Variants in ABI2 observed in about 807,000 individuals in gnomAD.
ABI2 encodes abelson interactor 2.
In ABI2, 25 loss-of-function variants were observed where a neutral mutation model predicts 59.2. The ratio of observed to expected loss-of-function variants is 0.42; its 90% CI spans 0.31 to 0.59. The LOEUF (loss-of-function observed/expected upper bound fraction) is 0.59. Among genes scored for constraint, ABI2 ranks in the 20% least tolerant of loss-of-function variants. The pLI, the probability that ABI2 is intolerant of heterozygous loss-of-function variation, is 0.14. For missense variants in ABI2, 545 were observed against 681.8 expected (o/e 0.80, Z 2.23); for synonymous variants, 213 against 235.5 (o/e 0.90, Z 0.87).
At chr2:203,408,278 T>C (rs2097518055) in intron 9 of ABI2, among the ~76,000 whole-genome samples, 1 of 151,926 alleles carries the variant, frequency 6.6e-6, no homozygotes, top group Non-Finnish European at 1.5e-5. Flanking sequence ...TTCTCCTGGT[T>C]CAGCCTCCCG....
chr2:203,371,152 C>A (rs1194505214), intron 2 of ABI2, among the ~76,000 whole-genome samples: 4 of 152,186 alleles, frequency 2.6e-5, no homozygotes, highest in African/African-American at 9.7e-5. Context: ...GCGATTCTCA[C>A]AAATGAGCTT....
chr2:203,343,972 A>T (rs974346456), intron 1 of ABI2, among the ~76,000 whole-genome samples: 5 of 152,082 alleles, frequency 3.3e-5, no homozygotes, highest in Non-Finnish European at 5.9e-5. Flanking sequence ...CGTCTCTACA[A>T]AAATTACAGA....
Position 203,428,549 on chromosome 2 carries a change from GATT to G in ABI2, c.*1199_*1201del, listed in dbSNP as rs781764603. On this transcript the variant is annotated 3_prime_UTR_variant, in exon 12 of 12. Transcript: ENST00000261018. ...CTCAGACTAAGAATATAATGAATAA[GATT>G]AATAGGCCAAAATATGTATCTAATC... is the stretch of plus-strand genomic sequence containing the variant. 6.6e-5 allele frequency: 10 copies of G among 152,668 alleles called. No individual in the cohort carries two copies. The highest frequency in any genetic ancestry group is 3.9e-4 in the East Asian group (2 of 5,182). 9.5% of individuals were successfully genotyped at this position (152,668 alleles called of 1,614,324 possible).
At chr2:203,372,154 C>A (rs1422237524) in intron 2 of ABI2, among the ~76,000 whole-genome samples, 16 of 151,824 alleles carry the variant, frequency 1.1e-4, no homozygotes, top group Non-Finnish European at 2.4e-4. Flanking sequence ...TGCCTTCAAG[C>A]ATCTGTTTAA....
At chr2:203,347,346 G>T (rs988429637) in intron 1 of ABI2, among the ~76,000 whole-genome samples, 2 of 152,182 alleles carry the variant, frequency 1.3e-5, no homozygotes, top group East Asian at 3.8e-4. Context: ...CTCATCTTTT[G>T]TGTGAAATTT....
chr2:203,417,206 T>C (rs1280858776), intron 11 of ABI2, 125 bp downstream of exon 11: 24 of 873,838 alleles, frequency 2.7e-5, no homozygotes, highest in Non-Finnish European at 4.9e-6. Context: ...TTGTGCATTT[T>C]TACTGAGTTT....
chr2:203,338,936 A>G (rs6750075), intron 1 of ABI2, among the ~76,000 whole-genome samples: 14,147 of 25,522 alleles, frequency 0.55, 2,062 homozygotes, highest in East Asian at 0.67. Context: ...GTGTATATGT[A>G]TATATATATA....
chr2:203,346,508 T>G (rs2083662968), intron 1 of ABI2, among the ~76,000 whole-genome samples: 1 of 152,250 alleles, frequency 6.6e-6, no homozygotes, highest in Admixed American at 6.5e-5. Flanking sequence ...GTCTGTGTTT[T>G]GGGTTTATCC....
At chr2:203,362,560 C>T (rs947323886) in intron 1 of ABI2, among the ~76,000 whole-genome samples, 2 of 152,026 alleles carry the variant, frequency 1.3e-5, no homozygotes, top group African/African-American at 4.8e-5. Context: ...GAGTCTCACT[C>T]TGTTGCCCAG....
At chr2:203,385,136 A>ATTTTTTTTTTTTTTTTTTTT (rs1231169110) in intron 4 of ABI2, among the ~76,000 whole-genome samples, 31 of 26,212 alleles carry the variant, frequency 1.2e-3, no homozygotes, top group Non-Finnish European at 2.8e-3. Flanking sequence ...CCCGGCTCAG[A>ATTTTTTTTTTTTTTTTTTTT]TTCTTTTTTT....
At chr2:203,358,928 C>CT (rs1248877534) in intron 1 of ABI2, among the ~76,000 whole-genome samples, 3 of 152,196 alleles carry the variant, frequency 2.0e-5, no homozygotes, top group African/African-American at 7.2e-5. Context: ...ACAAGAACTG[C>CT]TTGAGCCTGG....
At chr2:203,344,480 C>G (rs545344015) in intron 1 of ABI2, among the ~76,000 whole-genome samples, 2 of 152,092 alleles carry the variant, frequency 1.3e-5, no homozygotes, top group East Asian at 3.9e-4. Flanking sequence ...ATTCTTCTGC[C>G]TTAGCCTCCT....
chr2:203,402,804 T>A (rs981942167), intron 9 of ABI2, 70 bp downstream of exon 9: 1 of 1,354,362 alleles, frequency 7.4e-7, no homozygotes, highest in African/African-American at 1.5e-5. Flanking sequence ...CAAAAAACCC[T>A]TAATTACAAA....
At position 203,428,019 on chromosome 2, in the gene ABI2, C is replaced by T. The variant is rs1559409044; in HGVS notation, c.*667C>T. ...TGAAATGTGAAAGTCTCCCAACACT[C>T]TGAGGGTGGTGAACGATTGCCACCC... On this transcript the variant is annotated 3_prime_UTR_variant, in exon 12 of 12. Coordinates refer to ENST00000261018, the MANE Select transcript of ABI2 (RefSeq NM_001375670.1). 1 of 152,220 alleles carries T rather than the reference C, an allele frequency of 6.6e-6. No individual in the cohort carries two copies. Among genetic ancestry groups the T allele is most frequent in the East Asian group, 1.9e-4 (1 of 5,194 alleles). 9.4% of individuals were successfully genotyped at this position (152,220 alleles called of 1,614,324 possible).
Position 203,350,861 on chromosome 2 carries a change from T to G in ABI2, c.118-16016T>G, listed in dbSNP as rs187997585. ...CCTTTTCTTTGTTTTTGTTGTGTGT[T>G]TTGTGTGTGTGTGTGTGTGTGTGTG... On this transcript the variant is annotated intron_variant, in intron 1 of 11. Transcript: ENST00000261018. Among the ~76,000 whole-genome samples, 17 of 91,686 alleles carry G rather than the reference T, an allele frequency of 1.9e-4. No individual in the cohort carries two copies. In the East Asian group the frequency reaches 4.9e-3, roughly 27 times the overall value. 60.1% of individuals were successfully genotyped at this position (91,686 alleles called of 152,430 possible). A position where few individuals can be genotyped will look rare whatever the true frequency, so the allele number is the denominator to read the frequency against.
chr2:203,370,216 C>G (rs1227996266), intron 2 of ABI2, among the ~76,000 whole-genome samples: 1 of 149,394 alleles, frequency 6.7e-6, no homozygotes, highest in African/African-American at 2.5e-5. Context: ...CTCTCTCTCT[C>G]TCTCTCTCTC....
At chr2:203,372,132 T>C (rs1424736502) in intron 2 of ABI2, among the ~76,000 whole-genome samples, 1 of 151,766 alleles carries the variant, frequency 6.6e-6, no homozygotes, top group Non-Finnish European at 1.5e-5. Context: ...TGATGACTCT[T>C]AACGAGCATG....
chr2:203,381,119 A>ATATATAT (rs1398658017), intron 3 of ABI2, among the ~76,000 whole-genome samples: 1 of 152,190 alleles, frequency 6.6e-6, no homozygotes, highest in Non-Finnish European at 1.5e-5. Flanking sequence ...TTTTTTTTCT[A>ATATATAT]ATATAAACAT....
chr2:203,412,719 CA>C (rs1403186997), intron 10 of ABI2, among the ~76,000 whole-genome samples: 10 of 152,206 alleles, frequency 6.6e-5, no homozygotes, highest in African/African-American at 2.2e-4. Flanking sequence ...CAGCAACATT[CA>C]ACTATTAATA....
Sources: allele counts gnomAD v4.1 joint callset (sites outside exome capture counted in the v4.1 genomes callset), GRCh38; gene constraint gnomAD v4.1.1; transcripts MANE v1.5; gene names NCBI Gene and HGNC (gene_info 2026-07-23, HGNC 2026-07-21).